The following SNTG2 variants were observed in gnomAD, a reference collection of about 807,000 sequenced individuals.
The protein encoded by SNTG2 is gamma-2-syntrophin.
SNTG2 carries 74 observed loss-of-function variants against 70.9 expected under a neutral mutation model. That is an observed-to-expected ratio of 1.04 (90% CI 0.86 to 1.27). The LOEUF is 1.27. Among genes scored for constraint, SNTG2 ranks in the 50% most tolerant of loss-of-function variants. The probability of loss-of-function intolerance (pLI) is 0.00; values close to 1 mark genes in which losing one functional copy is unlikely to be tolerated. For synonymous variants in SNTG2, 278 were observed against 273.8 expected (o/e 1.02, Z -0.15); for missense variants, 717 against 690.7 (o/e 1.04, Z -0.43).
intron 2 of SNTG2, among the ~76,000 whole-genome samples, chr2:1,094,736 G>A (rs1665267847): frequency 1.7e-5 from 1 of 59,808 alleles, no homozygotes; most frequent in Admixed American, 1.9e-4. Context: ...TGGACTGCAG[G>A]CGAAGGCCTT....
chr2:1,305,886 G>A (rs1343083152), intron 14 of SNTG2, among the ~76,000 whole-genome samples: 5 of 152,210 alleles, frequency 3.3e-5, no homozygotes, highest in African/African-American at 4.8e-5. Flanking sequence ...TACTGCATGT[G>A]TGTGCATTGC....
rs190677292 is a variant in SNTG2 at position 993,562 on chromosome 2, T to C, written c.72+42494T>C. 1.6e-4 allele frequency among the ~76,000 whole-genome samples: 24 copies of C among 152,292 alleles called. 1 individual carries two copies. The highest frequency in any genetic ancestry group is 1.1e-3 in the Admixed American group (17 of 15,290). ...CACACTGTTTCCAATTATATTTCAT[T>C]ATTTTCAAAACTCCTAAAATCAGTA... On this transcript the variant is annotated intron_variant, in intron 1 of 16. Transcript: ENST00000308624.
intron 1 of SNTG2, among the ~76,000 whole-genome samples, chr2:1,047,088 A>G (rs1661782459): frequency 6.6e-6 from 1 of 152,170 alleles, no homozygotes; most frequent in Non-Finnish European, 1.5e-5. Context: ...GTGTTAATTC[A>G]AAGAACTGGT....
chr2:1,265,020 G>C (rs561435963), intron 13 of SNTG2, among the ~76,000 whole-genome samples: 2 of 152,242 alleles, frequency 1.3e-5, no homozygotes, highest in Admixed American at 6.5e-5. Context: ...CTTCAACTGC[G>C]TGAGAGTTGG....
At chr2:968,145 T>TC (rs1382385253) in intron 1 of SNTG2, among the ~76,000 whole-genome samples, 3 of 152,112 alleles carry the variant, frequency 2.0e-5, no homozygotes, top group African/African-American at 7.2e-5. Flanking sequence ...TTCAAGCGTT[T>TC]TTTTTTAACT....
intron 16 of SNTG2, among the ~76,000 whole-genome samples, chr2:1,338,609 A>G (rs1659933601): frequency 6.6e-6 from 1 of 152,200 alleles, no homozygotes; most frequent in Non-Finnish European, 1.5e-5. Flanking sequence ...GCCTCATAGA[A>G]GTGCAATAGT....
At chr2:1,202,589 A>G (rs1477943701) in intron 8 of SNTG2, among the ~76,000 whole-genome samples, 2 of 152,180 alleles carry the variant, frequency 1.3e-5, no homozygotes, top group Admixed American at 6.5e-5. Context: ...CACATTAAAT[A>G]TAAATGGACT....
At chr2:1,230,190 A>G (rs1331060870) in intron 9 of SNTG2, among the ~76,000 whole-genome samples, 1 of 152,230 alleles carries the variant, frequency 6.6e-6, no homozygotes, top group Non-Finnish European at 1.5e-5. Context: ...TTTAATGATG[A>G]AGTTTTATTC....
chr2:1,052,842 A>G (rs1258019238), intron 1 of SNTG2, among the ~76,000 whole-genome samples: 2 of 152,212 alleles, frequency 1.3e-5, no homozygotes, highest in African/African-American at 4.8e-5. Context: ...TAGTTTCTGC[A>G]TGCATTCCAG....
At chr2:1,140,671 T>G (rs978559588) in intron 6 of SNTG2, among the ~76,000 whole-genome samples, 28 of 152,364 alleles carry the variant, frequency 1.8e-4, no homozygotes, top group African/African-American at 6.7e-4. Context: ...CACCCCAGGA[T>G]ATCTCAGCGC....
In SNTG2 at chr2:1,305,489, G is replaced by C. The variant is rs574755799; in HGVS notation, c.1285-3005G>C. ...TGTGCCAATTAGAGTTTCTTCCAAG[G>C]CATCAAGGGAAAATTTGTAAACATA... On this transcript the variant is annotated intron_variant, in intron 14 of 16. Transcript: ENST00000308624. Among the ~76,000 whole-genome samples the C allele has an allele frequency of 1.1e-4, 16 of 152,264 alleles. No individual in the cohort carries two copies. The South Asian group carries it at 3.1e-3, about 30-fold the overall frequency.
In SNTG2 at chr2:1,273,001, C is replaced by T. The variant is rs1047611398; in HGVS notation, c.1284+5430C>T. 3.3e-5 allele frequency among the ~76,000 whole-genome samples: 5 copies of T among 152,228 alleles called. No homozygotes were observed. The East Asian group carries it at 9.6e-4, about 29-fold the overall frequency. ...TTTTCCTAGGTCTGTGTGTGCTATACGGATGCGCACCATCACCATCACCGC... is the reference window on the plus strand; with the variant it reads ...TTTTCCTAGGTCTGTGTGTGCTATATGGATGCGCACCATCACCATCACCGC... On this transcript the variant is annotated intron_variant, in intron 14 of 16. Transcript: ENST00000308624.
chr2:1,281,840 C>T (rs956146171), intron 14 of SNTG2, among the ~76,000 whole-genome samples: 2 of 152,144 alleles, frequency 1.3e-5, no homozygotes, highest in Non-Finnish European at 2.9e-5. Context: ...CCCCACCCAG[C>T]ACAAGCACCC....
At chr2:1,023,154 T>A (rs76812172) in intron 1 of SNTG2, among the ~76,000 whole-genome samples, 46 of 152,134 alleles carry the variant, frequency 3.0e-4, no homozygotes, top group African/African-American at 6.3e-4. Flanking sequence ...TTTTTTTTTT[T>A]AATTTTATTT....
At chr2:1,278,893 C>T (rs1366685435) in intron 14 of SNTG2, among the ~76,000 whole-genome samples, 1 of 106,674 alleles carries the variant, frequency 9.4e-6, no homozygotes, top group African/African-American at 3.0e-5. Context: ...TGATGAATCT[C>T]GTGCCACCCT....
chr2:1,179,687 G>T (rs1671728823), intron 8 of SNTG2, among the ~76,000 whole-genome samples: 1 of 151,738 alleles, frequency 6.6e-6, no homozygotes, highest in South Asian at 2.1e-4. Context: ...AGCTACCAAT[G>T]ACTTTCTTCA....
rs562750150 is a variant in SNTG2, at chr2:1,245,051, C to T, written c.889-2276C>T. On this transcript the variant is annotated intron_variant, in intron 11 of 16. Transcript: ENST00000308624. Reference sequence around the variant, plus strand: ...AAACCAAACACCGCATGTTCTCACTCATAGATGGGAATTGAACAATGAGAA... The same window carrying T: ...AAACCAAACACCGCATGTTCTCACTTATAGATGGGAATTGAACAATGAGAA... Among the ~76,000 whole-genome samples, 16 of 141,744 alleles carry T rather than the reference C, an allele frequency of 1.1e-4. No individual in the cohort carries two copies. In the South Asian group the frequency reaches 3.3e-3, roughly 29 times the overall value. 93.0% of individuals were successfully genotyped at this position (141,744 alleles called of 152,430 possible).
At chr2:1,333,745 A>G (rs1421887528) in intron 16 of SNTG2, among the ~76,000 whole-genome samples, 1 of 152,182 alleles carries the variant, frequency 6.6e-6, no homozygotes, top group African/African-American at 2.4e-5. Context: ...ATGCAGAAAA[A>G]TGAAAGTGGA....
intron 16 of SNTG2, among the ~76,000 whole-genome samples, chr2:1,355,498 C>T (rs2148312107): frequency 6.6e-6 from 1 of 152,334 alleles, no homozygotes; most frequent in East Asian, 1.9e-4. Context: ...CCAGCTTCAT[C>T]CATGTTGCTG....
Sources: gnomAD v4.1 joint callset for allele counts (sites outside exome capture counted in the v4.1 genomes callset) on GRCh38, gnomAD v4.1.1 for gene constraint, MANE v1.5 for transcripts, NCBI Gene and HGNC (gene_info 2026-07-23, HGNC 2026-07-21) for gene names.